Variants in PLCH2 observed in about 807,000 individuals in gnomAD.
PLCH2 encodes the protein phospholipase C eta 2, also known as 1-phosphatidylinositol 4,5-bisphosphate phosphodiesterase eta-2.
In PLCH2, 98 loss-of-function variants were observed where a neutral mutation model predicts 134.7. That is an observed-to-expected ratio of 0.73 (90% CI 0.62 to 0.86). The LOEUF is 0.86. Ranked by LOEUF, PLCH2 falls within the 40% of genes least tolerant of loss-of-function variation. The pLI is 0.00. For synonymous variants in PLCH2, 974 were observed against 827.5 expected, an observed-to-expected ratio of 1.18 and a Z score of -3.04; for missense variants, 1,994 against 1,986.6, an observed-to-expected ratio of 1.00 and a Z score of -0.07.
At chr1:2,459,536 C>G (rs71511346) in intron 2 of PLCH2, among the ~76,000 whole-genome samples, 5,280 of 77,014 alleles carry the variant, frequency 0.069, 1,138 homozygotes, top group East Asian at 0.3. Context: ...GGTCCTCCTT[C>G]CTGGTGGTCC....
rs765614819 is a variant in PLCH2, at chr1:2,489,860, A to G, written c.1508A>G (p.Asn503Ser). 12 of 1,609,386 alleles carry G rather than the reference A, an allele frequency of 7.5e-6. No homozygotes were observed. The Admixed American group carries it at 1.0e-4, about 13-fold the overall frequency. Residue 503 changes from asparagine to serine, a missense_variant, in exon 10 of 22, where the codon AAT (asparagine) becomes AGT (serine). Transcript: ENST00000378486. ...DEIDDDCKLL[N>S]GDASTNRKRV... ...ATTGACGATGACTGCAAGCTCCTCA[A>G]TGGGGATGTGAGTCGGGCTGGAGGT...
intron 2 of PLCH2, among the ~76,000 whole-genome samples, chr1:2,436,984 C>T (rs576442341): frequency 3.9e-5 from 6 of 152,288 alleles, no homozygotes; most frequent in Non-Finnish European, 8.8e-5. Flanking sequence ...AGCATGGGGA[C>T]CTGAGGTGCT....
chr1:2,419,564 G>A, the PLCH2 span, among the ~76,000 whole-genome samples: 1 of 152,146 alleles, frequency 6.6e-6, no homozygotes, highest in African/African-American at 2.4e-5. Flanking sequence ...ATGTGAGGCC[G>A]GTGAGGGCGG....
chr1:2,462,376 C>T (rs1173745534), intron 2 of PLCH2, among the ~76,000 whole-genome samples: 3 of 138,356 alleles, frequency 2.2e-5, no homozygotes. Context: ...GACACCGCCT[C>T]CACCTGACAC....
upstream of PLCH2, among the ~76,000 whole-genome samples, chr1:2,463,090 C>G (rs929102028): frequency 1.3e-5 from 2 of 152,222 alleles, no homozygotes; most frequent in African/African-American, 4.8e-5. Context: ...GCATTTCTGT[C>G]TTTAAATGTG....
intron 11 of PLCH2, chr1:2,492,414 G>A (rs1201255627): frequency 6.6e-6 from 1 of 152,270 alleles, no homozygotes; most frequent in African/African-American, 2.4e-5. Context: ...AGCTGGGCCT[G>A]TGCAAAACCT....
chr1:2,491,487 C>T lies in PLCH2; in HGVS notation c.1659+152C>T, dbSNP rs577496016. ...ACAAGCATACCTCTGTACACACCTC[C>T]GCACACACCTGCATGATCCATACCC... On this transcript the variant is annotated intron_variant, in intron 11 of 21. Transcript: ENST00000378486. Among the ~76,000 whole-genome samples, 69 of 152,348 alleles carry T rather than the reference C, an allele frequency of 4.5e-4. 1 individual carries two copies. The highest frequency in any genetic ancestry group is 1.4e-3 in the African/African-American group (59 of 41,590).
chr1:2,504,998 G>T lies in PLCH2; in HGVS notation c.4036G>T (p.Val1346Leu). The T allele has an allele frequency of 6.5e-7, 1 of 1,547,266 alleles. No individual in the cohort carries two copies. Among genetic ancestry groups the T allele is most frequent in the Non-Finnish European group, 8.7e-7 (1 of 1,151,650 alleles). ...RRSSSRSHSR[V>L]RAIASRARQA... The stretch of plus-strand genomic sequence containing the variant: ...CTCCTCCTCCCGCAGCCACAGCCGC[G>T]TGCGTGCCATTGCCAGCCGGGCCCG... Residue 1346 changes from valine to leucine, a missense_variant, in exon 22 of 22, where the codon GTG (valine) becomes TTG (leucine). Val to Leu is a conservative substitution (Grantham distance 32). This residue lies in a region of PLCH2 where 900 missense variants were observed against 752.3 expected (regional missense o/e 1.20). Transcript: ENST00000378486.
chr1:2,457,208 G>C (rs2100573836), intron 2 of PLCH2, among the ~76,000 whole-genome samples: 1 of 152,256 alleles, frequency 6.6e-6, no homozygotes, highest in South Asian at 2.1e-4. Context: ...CCAGCTGGCA[G>C]CTCCGTCCAT....
chr1:2,433,511 C>T (rs563355298), intron 2 of PLCH2, among the ~76,000 whole-genome samples: 13 of 152,238 alleles, frequency 8.5e-5, no homozygotes, highest in Non-Finnish European at 1.6e-4. Context: ...GGAGCTGGAG[C>T]GGCTCAGTCT....
At chr1:2,490,210 C>A (rs1642498102) in intron 10 of PLCH2, among the ~76,000 whole-genome samples, 1 of 152,190 alleles carries the variant, frequency 6.6e-6, no homozygotes, top group East Asian at 1.9e-4. Context: ...CCACCAGCAC[C>A]TGGCCCACCC....
At chr1:2,476,076 C>T (rs892539523), upstream of PLCH2, among the ~76,000 whole-genome samples, 7 of 152,238 alleles carry the variant, frequency 4.6e-5, no homozygotes, top group Non-Finnish European at 8.8e-5. Flanking sequence ...CTTCCGGTTG[C>T]GTTCTCTGGG....
intron 2 of PLCH2, among the ~76,000 whole-genome samples, chr1:2,449,186 A>T (rs1257526535): frequency 1.4e-5 from 2 of 143,072 alleles, no homozygotes; most frequent in Non-Finnish European, 3.1e-5. Context: ...CAGTAGAAAT[A>T]CATGTTTTAA....
intron 2 of PLCH2, among the ~76,000 whole-genome samples, chr1:2,437,240 G>A (rs539988363): frequency 9.2e-5 from 14 of 152,150 alleles, no homozygotes; most frequent in Non-Finnish European, 1.9e-4. Context: ...TGCCAATTTC[G>A]GTGCCTTGGT....
In PLCH2 at chr1:2,444,122, G is replaced by T. The variant is rs1054603952; in HGVS notation, c.115+13493G>T. Among the ~76,000 whole-genome samples, 1 of 152,214 alleles carries T rather than the reference G, an allele frequency of 6.6e-6. No homozygotes were observed. Among genetic ancestry groups the T allele is most frequent in the Non-Finnish European group, 1.5e-5 (1 of 68,028 alleles). On this transcript the variant is annotated intron_variant, in intron 2 of 3. Coordinates refer to the PLCH2 transcript ENST00000609981. The surrounding 1 kb of genome is among the most constrained non-coding windows in gnomAD (Gnocchi z 4.6). ...TCGGATCGCGGTGGCACGGGCAGGGGTGCGGGCGCGGGACTGTGGGCGGGA... is the reference window on the plus strand; with the variant it reads ...TCGGATCGCGGTGGCACGGGCAGGGTTGCGGGCGCGGGACTGTGGGCGGGA...
At chr1:2,470,211 T>C (rs942818) in intron 1 of PLCH2, among the ~76,000 whole-genome samples, 152,121 of 152,330 alleles carry the variant, frequency 1, 75,956 homozygotes, top group East Asian at 1. Context: ...GACTTTCAGG[T>C]CCCTGTTGTG....
intron 1 of PLCH2, 27 bp downstream of exon 1, chr1:2,476,739 G>T (rs780836175): frequency 1.3e-6 from 2 of 1,579,672 alleles, no homozygotes; most frequent in East Asian, 4.5e-5. Flanking sequence ...GAGTGGCCTG[G>T]GCTGAGTGCT....
chr1:2,494,721 C>A, intron 11 of PLCH2, 135 bp from the exon 12 acceptor site: 1 of 680,090 alleles, frequency 1.5e-6, no homozygotes, highest in Non-Finnish European at 2.7e-6. Flanking sequence ...CCTCCCCTCC[C>A]GTCTGCCTTA....
chr1:2,499,265 G>A (rs1370980257), intron 19 of PLCH2, 35 bp downstream of exon 19: 10 of 1,609,376 alleles, frequency 6.2e-6, no homozygotes, highest in Middle Eastern at 1.8e-4. Context: ...CCCCACACTG[G>A]CCGAGGGCCC....
Sources: allele counts gnomAD v4.1 joint callset (sites outside exome capture counted in the v4.1 genomes callset), GRCh38; gene constraint gnomAD v4.1.1; regional missense constraint gnomAD v4.1.1; non-coding constraint Gnocchi (gnomAD v3.1); transcripts MANE v1.5; gene names NCBI Gene and HGNC (gene_info 2026-07-23, HGNC 2026-07-21).